The following GDE1 variants were observed in gnomAD, a reference collection of about 807,000 sequenced individuals.
GDE1 encodes the protein glycerophosphodiester phosphodiesterase 1.
A neutral mutation model predicts 32.2 loss-of-function variants in GDE1; 24 were observed. The observed-to-expected ratio is 0.75, with a 90% CI of 0.54 to 1.05. GDE1 has a LOEUF of 1.05. Among genes scored for constraint, GDE1 ranks in the 50% least tolerant of loss-of-function variants. GDE1 has a pLI of 0.00. For missense variants in GDE1, 380 were observed against 415.0 expected, an observed-to-expected ratio of 0.92 and a Z score of 0.73; for synonymous variants, 159 against 158.6, an observed-to-expected ratio of 1.00 and a Z score of -0.02.
At chr16:19,514,225 C>T (rs1025189930) in intron 2 of GDE1, among the ~76,000 whole-genome samples, 1 of 152,012 alleles carries the variant, frequency 6.6e-6, no homozygotes, top group African/African-American at 2.4e-5. Context: ...AACACGTTTA[C>T]AGGTTTATTA....
intron 4 of GDE1, among the ~76,000 whole-genome samples, chr16:19,506,266 C>T (rs1420278040): frequency 6.6e-6 from 1 of 151,574 alleles, no homozygotes; most frequent in Admixed American, 6.6e-5. Flanking sequence ...AACAATAATC[C>T]GGTTTCTTCA....
chr16:19,505,614 A>G (rs1969236810), intron 4 of GDE1, among the ~76,000 whole-genome samples: 1 of 152,060 alleles, frequency 6.6e-6, no homozygotes, highest in African/African-American at 2.4e-5. Context: ...AGAAATGGAG[A>G]GATGTGGATG....
chr16:19,507,036 G>A lies in GDE1; in HGVS notation c.636+651C>T, dbSNP rs183535760. On this transcript the variant is annotated intron_variant, in intron 4 of 5. Transcript: ENST00000353258. ...CGCCTGTGGTCCCAGCTACTTGGAA[G>A]GCTGAGGCAGGAGGATCATTTGAGC... Among the ~76,000 whole-genome samples, 14 of 148,754 alleles carry A rather than the reference G, an allele frequency of 9.4e-5. 1 individual carries two copies. In the East Asian group the frequency reaches 2.8e-3, roughly 30 times the overall value.
chr16:19,521,707 C>A lies in GDE1; in HGVS notation c.258G>T (p.Arg86=). Residue 86 remains arginine, a synonymous_variant, in exon 1 of 6, where the codon CGG becomes CGT. Coordinates refer to ENST00000353258, the MANE Select transcript of GDE1 (RefSeq NM_016641.4). ...DAPENTLAAI[R]QAAKNGATGV... ...GGCGCGAACGTGGGGGTCTCACCTG[C>A]CGAATGGCCGCCAGCGTGTTCTCGG... 6.2e-7 allele frequency: 1 copy of A among 1,611,592 alleles called. No individual in the cohort carries two copies. Among genetic ancestry groups the A allele is most frequent in the Non-Finnish European group, 8.5e-7 (1 of 1,179,314 alleles).
intron 2 of GDE1, among the ~76,000 whole-genome samples, chr16:19,514,895 C>A (rs1969361223): frequency 6.6e-6 from 1 of 151,886 alleles, no homozygotes; most frequent in Admixed American, 6.6e-5. Context: ...GGCGAAACCC[C>A]GTTTCTACTA....
In GDE1 at chr16:19,522,082, GA is replaced by G; in HGVS notation, c.-119del. The G allele has an allele frequency of 9.6e-7, 1 of 1,044,492 alleles. No homozygotes were observed. The allele number at this position is 1,044,492 out of a possible 1,614,324, so 64.7% of individuals were successfully genotyped here. On this transcript the variant is annotated 5_prime_UTR_variant, in exon 1 of 6. Coordinates refer to ENST00000353258, the MANE Select transcript of GDE1 (RefSeq NM_016641.4). ...GGCAGCAGCAGGAACCCTCTGAGGG[GA>G]CCAGCGCCGCACAATGGCGGCAGCA...
chr16:19,508,735 C>T (rs574227469), intron 3 of GDE1, among the ~76,000 whole-genome samples: 1 of 151,948 alleles, frequency 6.6e-6, no homozygotes, highest in Non-Finnish European at 1.5e-5. Flanking sequence ...TTAGTATCCC[C>T]ATTTTACCCA....
In GDE1 at chr16:19,511,076, C is replaced by G. The variant is rs1196900630; in HGVS notation, c.438-132G>C. 5 of 505,634 alleles carry G rather than the reference C, an allele frequency of 9.9e-6. No individual in the cohort carries two copies. The East Asian group carries it at 1.6e-4, about 17-fold the overall frequency. The allele number at this position is 505,634 out of a possible 1,614,324, so 31.3% of individuals were successfully genotyped here. On this transcript the variant is annotated intron_variant, in intron 2 of 5. Coordinates refer to ENST00000353258, the MANE Select transcript of GDE1 (RefSeq NM_016641.4). Reference sequence around the variant, plus strand: ...TCCAACTTCCTTTTTTCGACCATAGCAAAGTCCAAAGATACTTTACTTTAA... The same window carrying G: ...TCCAACTTCCTTTTTTCGACCATAGGAAAGTCCAAAGATACTTTACTTTAA...
At chr16:19,519,758 ACT>A (rs1969426309) in intron 1 of GDE1, among the ~76,000 whole-genome samples, 1 of 152,072 alleles carries the variant, frequency 6.6e-6, no homozygotes, top group Non-Finnish European at 1.5e-5. Context: ...TAATCCCAGC[ACT>A]CTGTAATCCA....
At chr16:19,515,281 C>T (rs1475378630) in intron 2 of GDE1, among the ~76,000 whole-genome samples, 1 of 152,136 alleles carries the variant, frequency 6.6e-6, no homozygotes, top group Non-Finnish European at 1.5e-5. Context: ...TTTCCCACAA[C>T]ATAATCCGTA....
intron 2 of GDE1, among the ~76,000 whole-genome samples, chr16:19,511,725 C>A (rs1202286193): frequency 6.6e-6 from 1 of 152,120 alleles, no homozygotes; most frequent in Admixed American, 6.6e-5. Context: ...AACCCCAAAC[C>A]CTTCCCAGCC....
rs1969222818 is a variant in GDE1, at chr16:19,504,721, A to T, written c.848+160T>A. ...TCTGAAAACAGTGAAATATGCCTGA[A>T]CTCTTCCCACCTAAGAAGCGAAATT... On this transcript the variant is annotated intron_variant, in intron 5 of 5. Coordinates refer to ENST00000353258, the MANE Select transcript of GDE1 (RefSeq NM_016641.4). 1.0e-5 allele frequency: 6 copies of T among 596,468 alleles called. No homozygotes were observed. The South Asian group carries it at 1.3e-4, about 13-fold the overall frequency. The allele number at this position is 596,468 out of a possible 1,614,324, so 36.9% of individuals were successfully genotyped here.
chr16:19,504,642 T>A (rs965604343), intron 5 of GDE1: 4 of 453,360 alleles, frequency 8.8e-6, no homozygotes, highest in Admixed American at 8.1e-5. Context: ...TGTCACAGGT[T>A]CATTTTTTTT....
Position 19,518,904 on chromosome 16 carries a change from C to G in GDE1, c.262-1715G>C, listed in dbSNP as rs73544146. On this transcript the variant is annotated intron_variant, in intron 1 of 5. Coordinates refer to ENST00000353258, the MANE Select transcript of GDE1 (RefSeq NM_016641.4). ...TGGAAAAACACATCACATTTTCCCTCTGCTCTCACAACAATCAACCCCGAC... is the reference window on the plus strand; with the variant it reads ...TGGAAAAACACATCACATTTTCCCTGTGCTCTCACAACAATCAACCCCGAC... Among the ~76,000 whole-genome samples the G allele has an allele frequency of 5.2e-3, 798 of 152,280 alleles. 7 individuals are homozygous for G. The highest frequency in any genetic ancestry group is 0.018 in the African/African-American group (738 of 41,562).
intron 1 of GDE1, 143 bp downstream of exon 1, chr16:19,521,561 G>T: frequency 1.2e-6 from 1 of 844,462 alleles, no homozygotes; most frequent in Non-Finnish European, 1.8e-6. Context: ...TAGACACTGG[G>T]AGCGATCAAG....
intron 5 of GDE1, chr16:19,504,679 A>G (rs909893408): frequency 1.9e-6 from 1 of 528,550 alleles, no homozygotes; most frequent in African/African-American, 1.9e-5. Context: ...AAAACCGAAA[A>G]TATGTGATCG....
At chr16:19,509,257 G>A (rs986001750) in intron 3 of GDE1, among the ~76,000 whole-genome samples, 5 of 152,210 alleles carry the variant, frequency 3.3e-5, no homozygotes, top group East Asian at 1.9e-4. Flanking sequence ...AGCCGAGATC[G>A]CGCCAATGCA....
intron 4 of GDE1, among the ~76,000 whole-genome samples, chr16:19,505,578 G>A (rs1325809789): frequency 6.6e-6 from 1 of 152,126 alleles, no homozygotes; most frequent in Non-Finnish European, 1.5e-5. Context: ...AAGGGATTGT[G>A]ACGAGAGAAT....
rs776867230 is a variant in GDE1, at chr16:19,517,123, A to C, written c.328T>G (p.Leu110Val). 10 of 1,613,942 alleles carry C rather than the reference A, an allele frequency of 6.2e-6. No individual in the cohort carries two copies. The highest frequency in any genetic ancestry group is 1.7e-5 in the Admixed American group (1 of 60,030). ...IEFTSDGIPV[L>V]MHDNTVDRTT... ...CTATCTACTGTGTTATCGTGCATTA[A>C]GACAGGAATCCCGTCAGAAGTAAAC... is the stretch of plus-strand genomic sequence containing the variant. Residue 110 changes from leucine (L) to valine (V), a missense_variant, in exon 2 of 6, where the codon TTA becomes GTA. Leu to Val is a conservative substitution (Grantham distance 32, BLOSUM62 1). Coordinates refer to ENST00000353258, the MANE Select transcript of GDE1 (RefSeq NM_016641.4).
Sources: allele counts gnomAD v4.1 joint callset (sites outside exome capture counted in the v4.1 genomes callset), GRCh38; gene constraint gnomAD v4.1.1; transcripts MANE v1.5; gene names NCBI Gene and HGNC (gene_info 2026-07-23, HGNC 2026-07-21).